Variants in SYNPO2 observed in about 807,000 individuals in gnomAD.
The protein encoded by SYNPO2 is synaptopodin-2.
Under a neutral mutation model 85.0 loss-of-function variants are expected in SYNPO2, and 56 were observed. The ratio of observed to expected loss-of-function variants is 0.66; its 90% CI spans 0.53 to 0.82. The LOEUF is 0.82. Ranked by LOEUF, SYNPO2 falls within the 40% of genes least tolerant of loss-of-function variation. The probability of loss-of-function intolerance (pLI) is 0.00; values close to 1 mark genes in which losing one functional copy is unlikely to be tolerated. For synonymous variants in SYNPO2, 602 were observed against 591.1 expected, an observed-to-expected ratio of 1.02 and a Z score of -0.27; for missense variants, 1,575 against 1,534.2, an observed-to-expected ratio of 1.03 and a Z score of -0.44.
chr4:119,029,795 TC>T (rs1282814912), intron 3 of SYNPO2, 49 bp from the exon 4 acceptor site: 52 of 1,505,534 alleles, frequency 3.5e-5, no homozygotes, highest in Non-Finnish European at 4.4e-5. Context: ...TGTGGTGTCT[TC>T]CTTGAACTCA....
intron 1 of SYNPO2, among the ~76,000 whole-genome samples, chr4:118,990,769 C>A (rs192467329): frequency 2.4e-4 from 37 of 152,024 alleles, no homozygotes; most frequent in Admixed American, 2.3e-3. Flanking sequence ...CCACCATACC[C>A]CACTAATTTT....
chr4:118,890,697 T>TTCTCTCTCTCTCTCTCTCTCTCTC (rs796242049), intron 1 of SYNPO2, among the ~76,000 whole-genome samples: 1,401 of 81,466 alleles, frequency 0.017, 125 homozygotes, highest in Non-Finnish European at 0.026. Flanking sequence ...TCTCATCGGT[T>TTCTCTCTCTCTCTCTCTCTCTCTC]TCTCTCTCTC....
At chr4:118,955,167 C>T (rs934185951) in intron 1 of SYNPO2, among the ~76,000 whole-genome samples, 12 of 151,936 alleles carry the variant, frequency 7.9e-5, no homozygotes, top group Admixed American at 2.0e-4. Context: ...ACCTGGGTAA[C>T]GTTTGCATTT....
intron 1 of SYNPO2, among the ~76,000 whole-genome samples, chr4:118,968,286 C>A (rs541885739): frequency 6.6e-6 from 1 of 152,260 alleles, no homozygotes; most frequent in South Asian, 2.1e-4. Context: ...TTGCTAATGC[C>A]AATCAGACCT....
chr4:118,933,232 G>T (rs1733988437), intron 1 of SYNPO2, among the ~76,000 whole-genome samples: 1 of 152,210 alleles, frequency 6.6e-6, no homozygotes, highest in Non-Finnish European at 1.5e-5. Flanking sequence ...AAGGAACAAG[G>T]TAGAACTTTA....
intron 1 of SYNPO2, among the ~76,000 whole-genome samples, chr4:118,895,963 T>C (rs1458308334): frequency 2.0e-5 from 3 of 152,180 alleles, no homozygotes; most frequent in Non-Finnish European, 4.4e-5. Context: ...TTATCTCTTT[T>C]AATATTAATT....
At chr4:118,872,451 T>C (rs1731820463) in intron 1 of SYNPO2, among the ~76,000 whole-genome samples, 2 of 152,216 alleles carry the variant, frequency 1.3e-5, no homozygotes, top group African/African-American at 2.4e-5. Flanking sequence ...CAATGCATGT[T>C]TTAAAAATGA....
At chr4:118,879,273 T>G (rs552057125) in intron 1 of SYNPO2, among the ~76,000 whole-genome samples, 2 of 152,172 alleles carry the variant, frequency 1.3e-5, no homozygotes, top group South Asian at 2.1e-4. Flanking sequence ...ATGAACCAAT[T>G]CTGAACACAG....
At chr4:118,858,327 A>G (rs952394974) in intron 1 of SYNPO2, among the ~76,000 whole-genome samples, 1 of 152,206 alleles carries the variant, frequency 6.6e-6, no homozygotes, top group Non-Finnish European at 1.5e-5. Flanking sequence ...TGAAAATAAT[A>G]ATCAGACTAA....
chr4:118,964,439 G>A (rs375728122), intron 1 of SYNPO2, among the ~76,000 whole-genome samples: 3 of 151,940 alleles, frequency 2.0e-5, no homozygotes, highest in Admixed American at 6.6e-5. Context: ...GCAGTGAGCT[G>A]AGATTGCACC....
chr4:119,013,568 C>T (rs1237954709), intron 1 of SYNPO2, among the ~76,000 whole-genome samples: 1 of 152,054 alleles, frequency 6.6e-6, no homozygotes. Flanking sequence ...GTCAACCTGC[C>T]CATTTAAGGA....
At chr4:119,033,960 G>A in intron 4 of SYNPO2, 1 of 985,334 alleles carries the variant, frequency 1.0e-6, no homozygotes, top group African/African-American at 1.7e-5. Flanking sequence ...TTTTTCTCTG[G>A]AAAATCTTTC....
intron 4 of SYNPO2, among the ~76,000 whole-genome samples, chr4:119,044,928 C>T (rs912420136): frequency 5.9e-5 from 9 of 152,114 alleles, no homozygotes; most frequent in East Asian, 1.9e-4. Context: ...GCCATTAACT[C>T]GCTTTGAATT....
At chr4:118,886,381 T>C (rs1732199141), upstream of SYNPO2, among the ~76,000 whole-genome samples, 1 of 152,132 alleles carries the variant, frequency 6.6e-6, no homozygotes. Context: ...GCGTTATGTG[T>C]CGTAATGCTC....
chr4:118,970,578 T>A (rs1339915325), intron 1 of SYNPO2, among the ~76,000 whole-genome samples: 1 of 152,230 alleles, frequency 6.6e-6, no homozygotes, highest in Non-Finnish European at 1.5e-5. Flanking sequence ...ATTTACAAAT[T>A]TGTCTGTATA....
At chr4:118,862,048 GA>G (rs1731620688) in intron 1 of SYNPO2, among the ~76,000 whole-genome samples, 3 of 152,034 alleles carry the variant, frequency 2.0e-5, no homozygotes, top group Non-Finnish European at 4.4e-5. Flanking sequence ...TTTCATTGTA[GA>G]GATCTTTCAC....
chr4:119,010,008 C>A (rs536551461), intron 1 of SYNPO2, among the ~76,000 whole-genome samples: 1 of 152,252 alleles, frequency 6.6e-6, no homozygotes, highest in East Asian at 1.9e-4. Context: ...TTCTCCATAA[C>A]CATTTTGTAA....
At chr4:118,994,026 T>C (rs1402872883) in intron 1 of SYNPO2, among the ~76,000 whole-genome samples, 1 of 152,230 alleles carries the variant, frequency 6.6e-6, no homozygotes, top group Non-Finnish European at 1.5e-5. Flanking sequence ...TTTATTACTG[T>C]TGAACATTTG....
intron 1 of SYNPO2, among the ~76,000 whole-genome samples, chr4:118,852,348 A>G (rs926743370): frequency 3.9e-5 from 6 of 152,196 alleles, no homozygotes; most frequent in African/African-American, 1.2e-4. Context: ...ATACCACTTG[A>G]CCCAGCAATC....
Sources: allele counts gnomAD v4.1 joint callset (sites outside exome capture counted in the v4.1 genomes callset), GRCh38; gene constraint gnomAD v4.1.1; transcripts MANE v1.5; gene names NCBI Gene and HGNC (gene_info 2026-07-23, HGNC 2026-07-21).